The following TBCK variants were observed in gnomAD, a reference collection of about 807,000 sequenced individuals.
TBCK encodes the protein TBC domain-containing protein kinase-like protein.
Under a neutral mutation model 113.4 loss-of-function variants are expected in TBCK, and 99 were observed. The observed-to-expected ratio is 0.87, with a 90% CI of 0.74 to 1.03. The LOEUF (loss-of-function observed/expected upper bound fraction) is 1.03, where lower values mean the gene tolerates loss of function less well. TBCK is among the 50% of genes least tolerant of loss of function. TBCK has a pLI of 0.00. For synonymous variants in TBCK, 369 were observed against 370.8 expected, an observed-to-expected ratio of 1.00 and a Z score of 0.05; for missense variants, 1,045 against 1,061.3, an observed-to-expected ratio of 0.98 and a Z score of 0.21.
intron 25 of TBCK, among the ~76,000 whole-genome samples, chr4:106,087,471 AG>A (rs1383365531): frequency 6.6e-6 from 1 of 152,262 alleles, no homozygotes; most frequent in African/African-American, 2.4e-5. Flanking sequence ...CCTCATGGAT[AG>A]GAAGAATCAA....
chr4:106,288,797 T>C (rs1161392281), intron 3 of TBCK, among the ~76,000 whole-genome samples: 3 of 152,208 alleles, frequency 2.0e-5, no homozygotes, highest in East Asian at 1.9e-4. Flanking sequence ...CCAAAATTTT[T>C]TGGGCAACAA....
At chr4:106,131,741 G>T (rs1011421798) in intron 23 of TBCK, among the ~76,000 whole-genome samples, 1 of 152,200 alleles carries the variant, frequency 6.6e-6, no homozygotes, top group African/African-American at 2.4e-5. Context: ...AGTTTGGAGG[G>T]CTCAGAAGAA....
intron 10 of TBCK, among the ~76,000 whole-genome samples, chr4:106,245,317 G>A (rs1405282813): frequency 6.6e-6 from 1 of 152,152 alleles, no homozygotes; most frequent in Non-Finnish European, 1.5e-5. Flanking sequence ...AATACAATGA[G>A]CACTGTTCTT....
chr4:106,202,401 T>C (rs986811393), intron 20 of TBCK, among the ~76,000 whole-genome samples: 9 of 151,998 alleles, frequency 5.9e-5, no homozygotes, highest in Non-Finnish European at 1.2e-4. Flanking sequence ...TATGCCATCC[T>C]TCATTTTTCT....
At chr4:106,246,846 T>C (rs891554615) in intron 10 of TBCK, among the ~76,000 whole-genome samples, 2 of 152,100 alleles carry the variant, frequency 1.3e-5, no homozygotes, top group African/African-American at 4.8e-5. Flanking sequence ...CTTTGTTTTT[T>C]GTTGTTGTTG....
intron 15 of TBCK, among the ~76,000 whole-genome samples, chr4:106,234,470 G>A (rs769327243): frequency 1.6e-4 from 24 of 152,110 alleles, no homozygotes; most frequent in Non-Finnish European, 3.2e-4. Context: ...TAGAGTCAGG[G>A]TCTAGTTCTA....
chr4:106,253,226 T>C (rs1761618832), intron 5 of TBCK, among the ~76,000 whole-genome samples: 1 of 152,172 alleles, frequency 6.6e-6, no homozygotes, highest in African/African-American at 2.4e-5. Context: ...CTGAACTTTA[T>C]AACACTGGAA....
chr4:106,052,568 G>C (rs757504841), intron 25 of TBCK, among the ~76,000 whole-genome samples: 5 of 151,570 alleles, frequency 3.3e-5, no homozygotes, highest in Non-Finnish European at 7.4e-5. Flanking sequence ...TTGAGGTTAG[G>C]AAATTTGATA....
intron 22 of TBCK, among the ~76,000 whole-genome samples, chr4:106,179,916 T>C (rs1336913250): frequency 6.6e-6 from 1 of 152,110 alleles, no homozygotes; most frequent in African/African-American, 2.4e-5. Flanking sequence ...ATTCTGATGC[T>C]CCAGAGTTGG....
chr4:106,165,923 C>A (rs1187059007), intron 23 of TBCK, among the ~76,000 whole-genome samples: 1 of 151,644 alleles, frequency 6.6e-6, no homozygotes. Flanking sequence ...GGAATAAATA[C>A]AATAGATGCA....
rs1280200375 is a variant in TBCK at position 106,046,522 on chromosome 4, G to A, written c.*48C>T. 9.8e-7 allele frequency: 1 copy of A among 1,015,286 alleles called. No homozygotes were observed. The highest frequency in any genetic ancestry group is 1.6e-5 in the African/African-American group (1 of 63,124). The allele number at this position is 1,015,286 out of a possible 1,614,324, so 62.9% of individuals were successfully genotyped here. ...TGGCGTGGATATGAAGAACTGTGCT[G>A]TTGGTGCTGATGCCACACTAAGTTT... is the stretch of plus-strand genomic sequence containing the variant. On this transcript the variant is annotated 3_prime_UTR_variant, in exon 26 of 26. Coordinates refer to ENST00000394708, the MANE Select transcript of TBCK (RefSeq NM_001163435.3).
intron 22 of TBCK, among the ~76,000 whole-genome samples, chr4:106,189,328 G>GT (rs1753391949): frequency 6.8e-6 from 1 of 146,010 alleles, no homozygotes; most frequent in Admixed American, 6.9e-5. Flanking sequence ...GGGTGACAGA[G>GT]TGAGACTCCA....
At position 106,151,946 on chromosome 4, in the gene TBCK, A is replaced by G. The variant is rs1016579686; in HGVS notation, c.2235+19149T>C. 2.6e-5 allele frequency among the ~76,000 whole-genome samples: 4 copies of G among 151,894 alleles called. 1 individual carries two copies. The highest frequency in any genetic ancestry group is 6.6e-5 in the Admixed American group (1 of 15,216). ...TATATATGTTGCTTTTTACCCTGCA[A>G]CTTTGCTGAATTTATCACTTCTAAT... On this transcript the variant is annotated intron_variant, in intron 23 of 25. Coordinates refer to ENST00000394708, the MANE Select transcript of TBCK (RefSeq NM_001163435.3).
intron 20 of TBCK, among the ~76,000 whole-genome samples, chr4:106,204,750 G>GTTTTTTTT (rs1755258552): frequency 3.5e-5 from 4 of 115,610 alleles, no homozygotes; most frequent in Non-Finnish European, 5.6e-5. Flanking sequence ...GACAAACAAT[G>GTTTTTTTT]ATTTTTTTTT....
intron 25 of TBCK, among the ~76,000 whole-genome samples, chr4:106,057,242 T>C (rs1043952225): frequency 2.0e-5 from 3 of 151,702 alleles, no homozygotes; most frequent in Non-Finnish European, 4.4e-5. Flanking sequence ...AGGGTCAATG[T>C]AAAGGTAAGA....
intron 25 of TBCK, among the ~76,000 whole-genome samples, chr4:106,070,115 A>G (rs1215584566): frequency 6.6e-6 from 1 of 152,086 alleles, no homozygotes; most frequent in African/African-American, 2.4e-5. Flanking sequence ...CTCTTTTCCT[A>G]ATTGAATACC....
At chr4:106,049,561 A>G (rs1734582649) in intron 25 of TBCK, among the ~76,000 whole-genome samples, 1 of 152,062 alleles carries the variant, frequency 6.6e-6, no homozygotes, top group Admixed American at 6.6e-5. Flanking sequence ...GTGTTAAATA[A>G]GTCACATCAT....
At chr4:106,206,871 T>C (rs916347341) in intron 20 of TBCK, among the ~76,000 whole-genome samples, 1 of 152,154 alleles carries the variant, frequency 6.6e-6, no homozygotes, top group South Asian at 2.1e-4. Context: ...ATCATGGAAT[T>C]TGTTAGCTTT....
Position 106,248,902 on chromosome 4 carries a change from A to G in TBCK, c.720+19T>C. ...GTTATAGCAGCACAAATGGACTAAG[A>G]CCCAGATTAATGACAAACCTTTATA... On this transcript the variant is annotated intron_variant, in intron 8 of 25. Coordinates refer to ENST00000394708, the MANE Select transcript of TBCK (RefSeq NM_001163435.3). 11 of 1,585,206 alleles carry G rather than the reference A, an allele frequency of 6.9e-6. No individual in the cohort carries two copies. Among genetic ancestry groups the G allele is most frequent in the Non-Finnish European group, 9.4e-6 (11 of 1,168,290 alleles).
Sources: allele counts gnomAD v4.1 joint callset (sites outside exome capture counted in the v4.1 genomes callset), GRCh38; gene constraint gnomAD v4.1.1; transcripts MANE v1.5; gene names NCBI Gene and HGNC (gene_info 2026-07-23, HGNC 2026-07-21).